The following SPATA13 variants were observed in gnomAD, a reference collection of about 807,000 sequenced individuals.
SPATA13 encodes spermatogenesis-associated protein 13.
SPATA13 carries 50 observed loss-of-function variants against 104.0 expected under a neutral mutation model. The observed-to-expected ratio is 0.48, with a 90% confidence interval of 0.38 to 0.61. SPATA13 has a LOEUF of 0.61. SPATA13 is among the 20% of genes least tolerant of loss of function. The pLI is 0.00. For missense variants in SPATA13, 1,524 were observed against 1,690.6 expected (o/e 0.90, Z 1.73); for synonymous variants, 606 against 667.5 (o/e 0.91, Z 1.42).
intron 1 of SPATA13, among the ~76,000 whole-genome samples, chr13:24,169,106 C>T (rs988321472): frequency 6.6e-6 from 1 of 152,152 alleles, no homozygotes; most frequent in African/African-American, 2.4e-5. Context: ...TAGGATTAGC[C>T]TGGCATTGGG....
chr13:24,134,566 TG>T (rs1366175317), intron 3 of SPATA13, among the ~76,000 whole-genome samples: 1 of 151,442 alleles, frequency 6.6e-6, no homozygotes, highest in Admixed American at 6.6e-5. Flanking sequence ...AAAATTGGTT[TG>T]TTTTTTTAGC....
intron 1 of SPATA13, among the ~76,000 whole-genome samples, chr13:24,216,466 G>A (rs1482082118): frequency 6.6e-6 from 1 of 152,202 alleles, no homozygotes; most frequent in African/African-American, 2.4e-5. Flanking sequence ...CTTTCCAAAA[G>A]ATACGCTTAT....
chr13:24,180,635 A>C (rs1208182729), intron 1 of SPATA13, among the ~76,000 whole-genome samples: 5 of 152,174 alleles, frequency 3.3e-5, no homozygotes, highest in African/African-American at 1.2e-4. Flanking sequence ...CCATTTACTG[A>C]GGTCTTAAAT....
In SPATA13 at chr13:24,007,484, C is replaced by T. The variant is rs114359440; in HGVS notation, c.-146-10183C>T. 1.2e-3 allele frequency among the ~76,000 whole-genome samples: 177 copies of T among 152,306 alleles called. 1 individual carries two copies. The highest frequency in any genetic ancestry group is 4.1e-3 in the African/African-American group (172 of 41,564). On this transcript the variant is annotated intron_variant, in intron 2 of 14. Coordinates refer to the SPATA13 transcript ENST00000424834. ...TTTCTTTTTTCTTTAGAGGTGCAGT[C>T]TCCCTCTGTCAGCCCAGGCTGAAGT...
chr13:24,196,688 A>T (rs578152723), intron 1 of SPATA13, among the ~76,000 whole-genome samples: 1 of 152,210 alleles, frequency 6.6e-6, no homozygotes, highest in Non-Finnish European at 1.5e-5. Context: ...GTGAGCTGTG[A>T]TTATTGCACC....
intron 3 of SPATA13, among the ~76,000 whole-genome samples, chr13:24,054,166 T>TCTG (rs1878460182): frequency 6.6e-6 from 1 of 152,094 alleles, no homozygotes; most frequent in South Asian, 2.1e-4. Flanking sequence ...AGATCCCTCG[T>TCTG]CTGCCACTTC....
intron 2 of SPATA13, among the ~76,000 whole-genome samples, chr13:23,994,946 A>T (rs1875607860): frequency 6.6e-6 from 1 of 152,184 alleles, no homozygotes; most frequent in Non-Finnish European, 1.5e-5. Flanking sequence ...ATTCTGAACT[A>T]GGGGTGATTT....
intron 2 of SPATA13, among the ~76,000 whole-genome samples, chr13:24,241,054 C>T (rs142284516): frequency 3.9e-5 from 6 of 152,260 alleles, no homozygotes; most frequent in East Asian, 3.9e-4. Context: ...CACCCCATTC[C>T]GTAGTAATTA....
chr13:24,140,047 T>C (rs11148989), intron 3 of SPATA13, among the ~76,000 whole-genome samples: 121,208 of 149,212 alleles, frequency 0.81, 50,630 homozygotes, highest in Non-Finnish European at 0.92. Context: ...CCAGCCTGGG[T>C]GACAGAGTGA....
intron 1 of SPATA13, among the ~76,000 whole-genome samples, chr13:24,211,492 T>G (rs1474162884): frequency 6.7e-6 from 1 of 148,480 alleles, no homozygotes; most frequent in Non-Finnish European, 1.5e-5. Flanking sequence ...AGGCTTTTTC[T>G]GTATCTGTTG....
intron 2 of SPATA13, among the ~76,000 whole-genome samples, chr13:24,235,354 A>G (rs979214398): frequency 6.6e-6 from 1 of 152,186 alleles, no homozygotes; most frequent in Non-Finnish European, 1.5e-5. Context: ...AGGCTCCTCT[A>G]GGTATAAAGT....
intron 2 of SPATA13, among the ~76,000 whole-genome samples, chr13:24,017,172 C>T (rs754499949): frequency 4.6e-5 from 7 of 152,336 alleles, no homozygotes; most frequent in Middle Eastern, 3.4e-3. Context: ...GAGAACAAAT[C>T]GCCAAAATAA....
intron 3 of SPATA13, among the ~76,000 whole-genome samples, chr13:24,136,584 C>G (rs1052000406): frequency 3.9e-5 from 6 of 152,142 alleles, no homozygotes; most frequent in African/African-American, 1.4e-4. Context: ...TCAGAAAAAA[C>G]TGTCAGATGA....
At chr13:23,984,538 T>C (rs1875057256) in intron 2 of SPATA13, among the ~76,000 whole-genome samples, 1 of 152,204 alleles carries the variant, frequency 6.6e-6, no homozygotes, top group Non-Finnish European at 1.5e-5. Context: ...GTGGTGGAGC[T>C]GTGGTCTGTG....
chr13:24,023,071 C>T (rs1877058069), intron 3 of SPATA13, among the ~76,000 whole-genome samples: 2 of 152,108 alleles, frequency 1.3e-5, no homozygotes, highest in South Asian at 4.2e-4. Flanking sequence ...GTATTTCTCC[C>T]AATGCTATCC....
intron 3 of SPATA13, chr13:24,121,944 T>C (rs1303456954): frequency 2.7e-5 from 19 of 701,980 alleles, no homozygotes; most frequent in Non-Finnish European, 4.7e-5. Context: ...GGGTTGTTGT[T>C]TCTTTTGTCC....
chr13:24,083,871 C>T (rs75957959), intron 3 of SPATA13, among the ~76,000 whole-genome samples: 2 of 152,132 alleles, frequency 1.3e-5, no homozygotes, highest in African/African-American at 4.8e-5. Flanking sequence ...AAAAAACCCC[C>T]GTCTGGAGAT....
At chr13:24,080,447 A>G (rs1241230668) in intron 3 of SPATA13, among the ~76,000 whole-genome samples, 1 of 152,236 alleles carries the variant, frequency 6.6e-6, no homozygotes, top group Non-Finnish European at 1.5e-5. Context: ...TCATCACTCA[A>G]AATGAATAAA....
At chr13:24,178,676 G>A (rs945634408) in intron 1 of SPATA13, among the ~76,000 whole-genome samples, 1 of 152,140 alleles carries the variant, frequency 6.6e-6, no homozygotes, top group South Asian at 2.1e-4. Context: ...CCAGCATTTT[G>A]TACTGTGCCA....
Sources: gnomAD v4.1 joint callset for allele counts (sites outside exome capture counted in the v4.1 genomes callset) on GRCh38, gnomAD v4.1.1 for gene constraint, MANE v1.5 for transcripts, NCBI Gene and HGNC (gene_info 2026-07-23, HGNC 2026-07-21) for gene names.